The following LRRC4C variants were observed in gnomAD, a reference collection of about 807,000 sequenced individuals.
LRRC4C encodes leucine rich repeat containing 4C.
A neutral mutation model predicts 33.6 loss-of-function variants in LRRC4C; 5 were observed. The observed-to-expected ratio is 0.15, with a 90% CI of 0.08 to 0.31. The LOEUF is 0.31. Among genes scored for constraint, LRRC4C ranks in the 10% least tolerant of loss-of-function variants. The pLI, the probability that LRRC4C is intolerant of heterozygous loss-of-function variation, is 1.00. For synonymous variants in LRRC4C, 329 were observed against 302.0 expected (o/e 1.09, Z -0.93); for missense variants, 560 against 796.7 (o/e 0.70, Z 3.58).
chr11:40,368,662 G>A lies in LRRC4C; in HGVS notation c.-269-48941C>T, dbSNP rs78445891. ...GCATTTCCTGGTATTTTCCTTGGTG[G>A]TTTCTTCAATAAGCTAGCCTAAGTG... is the stretch of plus-strand genomic sequence containing the variant. On this transcript the variant is annotated intron_variant, in intron 3 of 6. Coordinates refer to ENST00000528697, the MANE Select transcript of LRRC4C (RefSeq NM_001258419.2). Among the ~76,000 whole-genome samples, 1,114 of 152,184 alleles carry A rather than the reference G, an allele frequency of 7.3e-3. 13 individuals carry two copies. Among genetic ancestry groups the A allele is most frequent in the African/African-American group, 0.025 (1,056 of 41,524 alleles).
chr11:41,401,765 T>C (rs1954034400), intron 1 of LRRC4C, among the ~76,000 whole-genome samples: 1 of 151,984 alleles, frequency 6.6e-6, no homozygotes, highest in South Asian at 2.1e-4. Flanking sequence ...CCTTGGGTTT[T>C]CAAAGAATAT....
rs1350044572 is a variant in LRRC4C, at chr11:40,921,985, G to T, written c.-407+11650C>A. Among the ~76,000 whole-genome samples the T allele has an allele frequency of 2.0e-5, 3 of 152,036 alleles. No homozygotes were observed. The Middle Eastern group carries it at 9.5e-3, about 481-fold the overall frequency. ...AAATTCCCTCTTCCTGCCTTCTAAG[G>T]ACAAATGGCAGTGTCTCATGAGTAT... is the stretch of plus-strand genomic sequence containing the variant. On this transcript the variant is annotated intron_variant, in intron 2 of 6. Transcript: ENST00000528697.
At chr11:40,457,922 C>T (rs999836984) in intron 3 of LRRC4C, among the ~76,000 whole-genome samples, 1 of 152,116 alleles carries the variant, frequency 6.6e-6, no homozygotes, top group Non-Finnish European at 1.5e-5. Context: ...AGCAATACAA[C>T]TCAAATTCTC....
At chr11:40,744,261 G>C (rs538726732) in intron 2 of LRRC4C, among the ~76,000 whole-genome samples, 43 of 152,254 alleles carry the variant, frequency 2.8e-4, no homozygotes, top group Admixed American at 2.1e-3. Flanking sequence ...CTGGATAAGA[G>C]ATGAGAGACA....
rs143248908 is a variant in LRRC4C, at chr11:40,607,097, A to C, written c.-270+41045T>G. On this transcript the variant is annotated intron_variant, in intron 3 of 6. Coordinates refer to ENST00000528697, the MANE Select transcript of LRRC4C (RefSeq NM_001258419.2). ...ATAAGAATACAACAAAGCAAGAGTA[A>C]TGTATCTGGCAAATCATCCTTCAAA... Among the ~76,000 whole-genome samples, 184 of 152,330 alleles carry C rather than the reference A, an allele frequency of 1.2e-3. 1 individual carries two copies. Among genetic ancestry groups the C allele is most frequent in the African/African-American group, 4.1e-3 (172 of 41,574 alleles).
intron 3 of LRRC4C, among the ~76,000 whole-genome samples, chr11:40,338,262 A>G (rs1476922147): frequency 1.3e-5 from 2 of 152,214 alleles, no homozygotes; most frequent in Non-Finnish European, 2.9e-5. Flanking sequence ...GTTCAATGTG[A>G]AAAAGGGTTT....
At chr11:40,486,732 G>A (rs1317333507) in intron 3 of LRRC4C, among the ~76,000 whole-genome samples, 1 of 151,772 alleles carries the variant, frequency 6.6e-6, no homozygotes, top group Non-Finnish European at 1.5e-5. Context: ...GTAAAATATG[G>A]GAAAATGGTG....
chr11:40,800,405 A>G (rs980662637), intron 2 of LRRC4C, among the ~76,000 whole-genome samples: 2 of 151,946 alleles, frequency 1.3e-5, no homozygotes, highest in Non-Finnish European at 2.9e-5. Flanking sequence ...GATATAATAC[A>G]CTCTTCATCA....
chr11:40,154,209 A>G (rs528219264), intron 5 of LRRC4C, among the ~76,000 whole-genome samples: 14 of 151,734 alleles, frequency 9.2e-5, no homozygotes, highest in South Asian at 8.4e-4. Flanking sequence ...GGAAAGATAC[A>G]GTTGTTTTCA....
At chr11:41,387,666 C>G (rs1286660761) in intron 1 of LRRC4C, among the ~76,000 whole-genome samples, 1 of 151,648 alleles carries the variant, frequency 6.6e-6, no homozygotes, top group Non-Finnish European at 1.5e-5. Flanking sequence ...TGTTATATAT[C>G]ACCCTAATAA....
At chr11:40,884,286 G>C (rs1048691323) in intron 2 of LRRC4C, among the ~76,000 whole-genome samples, 1 of 152,034 alleles carries the variant, frequency 6.6e-6, no homozygotes, top group Non-Finnish European at 1.5e-5. Context: ...GTGTATATGT[G>C]CTACATTTTC....
intron 2 of LRRC4C, among the ~76,000 whole-genome samples, chr11:40,727,318 A>C (rs192199158): frequency 1.3e-5 from 2 of 152,298 alleles, no homozygotes; most frequent in East Asian, 3.9e-4. Context: ...CAATAGGGGA[A>C]GGAGTCCCTA....
intron 1 of LRRC4C, among the ~76,000 whole-genome samples, chr11:40,987,024 C>A (rs1853068489): frequency 6.6e-6 from 1 of 152,178 alleles, no homozygotes. Context: ...GAACTCTAAG[C>A]ATGCTTTGCA....
intron 1 of LRRC4C, among the ~76,000 whole-genome samples, chr11:41,198,008 A>AT (rs1365109638): frequency 6.6e-6 from 1 of 151,918 alleles, no homozygotes; most frequent in African/African-American, 2.4e-5. Flanking sequence ...TTATTCCATG[A>AT]TTTTTTCTAA....
intron 4 of LRRC4C, among the ~76,000 whole-genome samples, chr11:40,289,580 A>G (rs61742431): frequency 0.056 from 8,566 of 152,262 alleles, 318 homozygotes; most frequent in Non-Finnish European, 0.064. Context: ...ACACCCACTG[A>G]TGAAGTAAGT....
chr11:40,335,843 C>A (rs1414996513), intron 3 of LRRC4C, among the ~76,000 whole-genome samples: 4 of 152,110 alleles, frequency 2.6e-5, no homozygotes, highest in Admixed American at 2.0e-4. Context: ...AGTTCTGGAC[C>A]CAGATAAACT....
intron 1 of LRRC4C, among the ~76,000 whole-genome samples, chr11:41,420,454 T>A (rs1422559159): frequency 2.0e-5 from 3 of 152,082 alleles, no homozygotes; most frequent in Non-Finnish European, 4.4e-5. Flanking sequence ...CATAAAAGGC[T>A]GCACATGGAA....
chr11:41,331,736 G>T (rs1304315177), intron 1 of LRRC4C, among the ~76,000 whole-genome samples: 1 of 152,126 alleles, frequency 6.6e-6, no homozygotes, highest in Admixed American at 6.6e-5. Flanking sequence ...ACTTGACAGT[G>T]AAGTCAAACG....
At chr11:41,316,764 T>C (rs1215244088) in intron 1 of LRRC4C, among the ~76,000 whole-genome samples, 1 of 152,236 alleles carries the variant, frequency 6.6e-6, no homozygotes, top group Non-Finnish European at 1.5e-5. Flanking sequence ...ACTTTAATAC[T>C]TGACAGGTAG....
Sources: allele counts gnomAD v4.1 joint callset (sites outside exome capture counted in the v4.1 genomes callset), GRCh38; gene constraint gnomAD v4.1.1; transcripts MANE v1.5; gene names NCBI Gene and HGNC (gene_info 2026-07-23, HGNC 2026-07-21).